ERO1B: variants seen among roughly 807,000 people sequenced by gnomAD.
ERO1B encodes endoplasmic reticulum oxidoreductase 1 beta.
A neutral mutation model predicts 75.3 loss-of-function variants in ERO1B; 49 were observed. The observed-to-expected ratio is 0.65, with a 90% confidence interval of 0.52 to 0.83. The LOEUF (loss-of-function observed/expected upper bound fraction) is 0.83. Ranked by LOEUF, ERO1B falls within the 40% of genes least tolerant of loss-of-function variation. The pLI is 0.00. For synonymous variants in ERO1B, 191 were observed against 192.9 expected (o/e 0.99, Z 0.08); for missense variants, 512 against 560.1 (o/e 0.91, Z 0.87).
At position 236,239,811 on chromosome 1, in the gene ERO1B, G is replaced by GTATA. The variant is rs1435250421; in HGVS notation, c.506-3417_506-3414dup. ...CAAGTATATATATATATATATGTGT[G>GTATA]TATATATATATGTGTATATATATGT... On this transcript the variant is annotated intron_variant, in intron 6 of 15. Coordinates refer to ENST00000354619, the MANE Select transcript of ERO1B (RefSeq NM_019891.4). 1.2e-3 allele frequency among the ~76,000 whole-genome samples: 70 copies of GTATA among 59,606 alleles called. 1 individual carries two copies. In the East Asian group the frequency reaches 0.015, roughly 12 times the overall value. 39.1% of individuals were successfully genotyped at this position (59,606 alleles called of 152,430 possible).
rs200759077 is a variant in ERO1B at position 236,249,795 on chromosome 1, TG to T, written c.431+89del. On this transcript the variant is annotated intron_variant, in intron 5 of 15. Coordinates refer to ENST00000354619, the MANE Select transcript of ERO1B (RefSeq NM_019891.4). ...AAAAATATATTAGTTAAAACTTTAA[TG>T]GGTTCGAAAATGTTTTACCAAAATC... 1,411 of 949,678 alleles carry T rather than the reference TG, an allele frequency of 1.5e-3. 18 individuals are homozygous for T. In the African/African-American group the frequency reaches 0.022, roughly 14 times the overall value. The allele number at this position is 949,678 out of a possible 1,614,324, so 58.8% of individuals were successfully genotyped here. A position where few individuals can be genotyped will look rare whatever the true frequency, so the allele number is the denominator to read the frequency against.
At chr1:236,251,473 G>A (rs919407555) in intron 4 of ERO1B, 8 of 979,862 alleles carry the variant, frequency 8.2e-6, no homozygotes, top group African/African-American at 5.3e-5. Flanking sequence ...AAGATTACAC[G>A]GGAGAGAGAG....
At chr1:236,242,962 T>C (rs190735385) in intron 6 of ERO1B, among the ~76,000 whole-genome samples, 1 of 152,342 alleles carries the variant, frequency 6.6e-6, no homozygotes, top group East Asian at 1.9e-4. Flanking sequence ...CATCTTTACA[T>C]GAGTTTGTTA....
chr1:236,260,664 CAAA>C (rs35701591), intron 2 of ERO1B, among the ~76,000 whole-genome samples: 7 of 127,208 alleles, frequency 5.5e-5, no homozygotes, highest in African/African-American at 1.2e-4. Flanking sequence ...GAGTTGGTCT[CAAA>C]AAAAAAAAAA....
chr1:236,221,867 C>A lies in ERO1B; in HGVS notation c.1209+57G>T. Reference sequence around the variant, plus strand: ...AGGACATTTTAATAAAAAGCTTGGACTCAGTGGAAAAAATAAAGGTTAGTA... The same window carrying A: ...AGGACATTTTAATAAAAAGCTTGGAATCAGTGGAAAAAATAAAGGTTAGTA... On this transcript the variant is annotated intron_variant, in intron 14 of 15. Coordinates refer to ENST00000354619, the MANE Select transcript of ERO1B (RefSeq NM_019891.4). 2.3e-6 allele frequency: 3 copies of A among 1,309,014 alleles called. No individual in the cohort carries two copies. The South Asian group carries it at 3.7e-5, about 16-fold the overall frequency. The allele number at this position is 1,309,014 out of a possible 1,614,324, so 81.1% of individuals were successfully genotyped here. A position where few individuals can be genotyped will look rare whatever the true frequency, so the allele number is the denominator to read the frequency against.
rs763560157 is a variant in ERO1B, at chr1:236,218,467, G to T, written c.*49C>A. ...TCTGATGAATGTCCATAATTAAAAG[G>T]CTTTCCACAGTCACTTTATGTCTCT... is the stretch of plus-strand genomic sequence containing the variant. On this transcript the variant is annotated 3_prime_UTR_variant, in exon 16 of 16. Coordinates refer to ENST00000354619, the MANE Select transcript of ERO1B (RefSeq NM_019891.4). The T allele has an allele frequency of 4.3e-6, 6 of 1,380,938 alleles. No individual in the cohort carries two copies. Among genetic ancestry groups the T allele is most frequent in the East Asian group, 3.1e-5 (1 of 32,390 alleles). The allele number at this position is 1,380,938 out of a possible 1,614,324, so 85.5% of individuals were successfully genotyped here.
chr1:236,219,064 C>G (rs928068958), intron 15 of ERO1B, among the ~76,000 whole-genome samples: 2 of 152,050 alleles, frequency 1.3e-5, no homozygotes, highest in African/African-American at 4.8e-5. Context: ...TGCTTCTCAG[C>G]CCAGGCCAAA....
chr1:236,269,181 G>A (rs771860555), intron 2 of ERO1B, among the ~76,000 whole-genome samples: 49 of 152,168 alleles, frequency 3.2e-4, no homozygotes, highest in Non-Finnish European at 5.7e-4. Flanking sequence ...GTTGCAGTGA[G>A]CTGAGATTGT....
At chr1:236,252,585 C>G (rs1180198129) in intron 3 of ERO1B, among the ~76,000 whole-genome samples, 1 of 152,100 alleles carries the variant, frequency 6.6e-6, no homozygotes, top group African/African-American at 2.4e-5. Flanking sequence ...TAGGGTTTAC[C>G]AATGGGAGAA....
intron 5 of ERO1B, among the ~76,000 whole-genome samples, chr1:236,246,146 T>C (rs953597410): frequency 1.2e-4 from 19 of 152,282 alleles, no homozygotes; most frequent in East Asian, 5.8e-4. Flanking sequence ...CATAAAAATA[T>C]ACATATGTAT....
chr1:236,235,463 ATAGCG>A (rs1330794155), intron 8 of ERO1B, among the ~76,000 whole-genome samples: 1 of 152,234 alleles, frequency 6.6e-6, no homozygotes, highest in Non-Finnish European at 1.5e-5. Context: ...CTTAATTAAT[ATAGCG>A]TAGGGCCTGA....
At chr1:236,228,950 T>C (rs1664337097) in intron 10 of ERO1B, among the ~76,000 whole-genome samples, 1 of 152,134 alleles carries the variant, frequency 6.6e-6, no homozygotes, top group Non-Finnish European at 1.5e-5. Flanking sequence ...ACACTCAGAG[T>C]CTCTGACTAC....
intron 2 of ERO1B, among the ~76,000 whole-genome samples, chr1:236,254,242 G>C (rs1749562): frequency 0.25 from 37,737 of 152,124 alleles, 4,867 homozygotes; most frequent in East Asian, 0.38. Context: ...AGGACTTGCA[G>C]ATTGCCCATG....
chr1:236,232,300 A>C (rs1457477959), intron 9 of ERO1B, among the ~76,000 whole-genome samples: 1 of 152,218 alleles, frequency 6.6e-6, no homozygotes, highest in Non-Finnish European at 1.5e-5. Context: ...CCTACCCTGG[A>C]CAATGCCCAT....
intron 9 of ERO1B, among the ~76,000 whole-genome samples, chr1:236,232,207 T>C (rs778473435): frequency 3.9e-5 from 6 of 152,194 alleles, no homozygotes; most frequent in East Asian, 1.9e-4. Flanking sequence ...CTCATTACCA[T>C]TGTTTATGTA....
At chr1:236,226,560 T>C (rs1390277447) in intron 11 of ERO1B, 45 bp from the exon 12 acceptor site, 2 of 1,454,056 alleles carry the variant, frequency 1.4e-6, no homozygotes, top group Non-Finnish European at 1.8e-6. Context: ...GTAAACAGGA[T>C]TTTTTTTCTG....
rs182043812 is a variant in ERO1B at position 236,277,278 on chromosome 1, C to T, written c.102+4404G>A. On this transcript the variant is annotated intron_variant, in intron 1 of 15. Transcript: ENST00000354619. ...AATTAGCTGGGCGTTGTGGCAGGAG[C>T]TTGTAATCCCAGCTACTTGGGAGGC... Among the ~76,000 whole-genome samples, 922 of 152,122 alleles carry T rather than the reference C, an allele frequency of 6.1e-3. 10 individuals are homozygous for T. Among genetic ancestry groups the T allele is most frequent in the African/African-American group, 0.021 (881 of 41,484 alleles).
At chr1:236,238,328 A>AT (rs1172067247) in intron 6 of ERO1B, among the ~76,000 whole-genome samples, 1 of 152,238 alleles carries the variant, frequency 6.6e-6, no homozygotes, top group Non-Finnish European at 1.5e-5. Flanking sequence ...CTCAAAAACA[A>AT]TAACTTTTAA....
At chr1:236,250,193 T>C (rs1664981108) in intron 4 of ERO1B, among the ~76,000 whole-genome samples, 1 of 151,780 alleles carries the variant, frequency 6.6e-6, no homozygotes, top group African/African-American at 2.4e-5. Flanking sequence ...ACAATTAGGC[T>C]GGGTGCAGTG....
Sources: allele counts gnomAD v4.1 joint callset (sites outside exome capture counted in the v4.1 genomes callset), GRCh38; gene constraint gnomAD v4.1.1; transcripts MANE v1.5; gene names NCBI Gene and HGNC (gene_info 2026-07-23, HGNC 2026-07-21).